Variants in ACSM3 observed in about 807,000 individuals in gnomAD.
ACSM3 encodes acyl-CoA synthetase medium chain family member 3.
Under a neutral mutation model 74.1 loss-of-function variants are expected in ACSM3, and 61 were observed. The ratio of observed to expected loss-of-function variants is 0.82; its 90% confidence interval spans 0.67 to 1.02. The LOEUF is 1.02. Ranked by LOEUF, ACSM3 falls within the 50% of genes least tolerant of loss-of-function variation. The pLI, the probability that ACSM3 is intolerant of heterozygous loss-of-function variation, is 0.00. For synonymous variants in ACSM3, 213 were observed against 241.5 expected, an observed-to-expected ratio of 0.88 and a Z score of 1.09; for missense variants, 660 against 697.0, an observed-to-expected ratio of 0.95 and a Z score of 0.60.
chr16:20,789,657 T>C, intron 9 of ACSM3: 2 of 797,510 alleles, frequency 2.5e-6, no homozygotes, highest in South Asian at 1.5e-5. Context: ...TTGGCAAAAC[T>C]GTATATTATA....
At chr16:20,739,381 G>A (rs892456733) in intron 1 of ACSM3, among the ~76,000 whole-genome samples, 4 of 151,960 alleles carry the variant, frequency 2.6e-5, no homozygotes, top group South Asian at 2.1e-4. Context: ...TCGCCATGTT[G>A]GTCAGGCTGG....
intron 1 of ACSM3, among the ~76,000 whole-genome samples, chr16:20,691,841 C>T (rs1453414282): frequency 6.6e-6 from 1 of 151,042 alleles, no homozygotes; most frequent in African/African-American, 2.4e-5. Flanking sequence ...GGCTGTCTCC[C>T]TCTGGTGGAA....
intron 1 of ACSM3, among the ~76,000 whole-genome samples, chr16:20,702,323 C>T (rs537793129): frequency 1.3e-4 from 20 of 152,308 alleles, no homozygotes; most frequent in East Asian, 3.9e-4. Context: ...AGCCATTCTC[C>T]GGCCTCAGCC....
In ACSM3 at chr16:20,709,237, C is replaced by T. The variant is rs186369788; in HGVS notation, c.-190+34415C>T. Among the ~76,000 whole-genome samples the T allele has an allele frequency of 4.1e-3, 619 of 151,760 alleles. 4 individuals carry two copies. The highest frequency in any genetic ancestry group is 5.7e-3 in the Non-Finnish European group (388 of 67,944). On this transcript the variant is annotated intron_variant, in intron 1 of 3. Transcript: ENST00000561584. ...ACTGCACTCCAGCCTGGGCACAGAG[C>T]GAGACACTATCTCAGAAAAAAAGAA...
chr16:20,793,425 T>C (rs966565026), intron 12 of ACSM3, among the ~76,000 whole-genome samples: 3 of 152,170 alleles, frequency 2.0e-5, no homozygotes, highest in Non-Finnish European at 4.4e-5. Flanking sequence ...GCCAAGATCG[T>C]GCCACTGTGC....
intron 1 of ACSM3, chr16:20,737,004 G>A: frequency 6.2e-7 from 1 of 1,614,122 alleles, no homozygotes; most frequent in East Asian, 2.2e-5. Context: ...CAGCTCCTCA[G>A]TATTCTCTGG....
In ACSM3 at chr16:20,781,716, C is replaced by T; in HGVS notation, c.948C>T (p.Ser316=). The T allele has an allele frequency of 6.2e-7, 1 of 1,612,352 alleles. No individual in the cohort carries two copies. The highest frequency in any genetic ancestry group is 8.5e-7 in the Non-Finnish European group (1 of 1,178,428). The part of the protein sequence containing the change: ...FEPTSILQTL[S]KYPITVFCSA... ...CTTTTTCTAAATTGCAGACACTCTC[C>T]AAGTACCCCATCACAGTCTTCTGTT... Residue 316 remains serine (S), a synonymous_variant, in exon 7 of 14, where the codon TCC becomes TCT. Coordinates refer to ENST00000289416, the MANE Select transcript of ACSM3 (RefSeq NM_005622.4).
chr16:20,780,321 TAA>T (rs2080325548), intron 4 of ACSM3: 1 of 326,108 alleles, frequency 3.1e-6, no homozygotes, highest in Admixed American at 4.6e-5. Flanking sequence ...TACTCATTTT[TAA>T]AAAATCACAT....
At chr16:20,691,432 G>T (rs1293384934) in intron 1 of ACSM3, among the ~76,000 whole-genome samples, 5 of 152,126 alleles carry the variant, frequency 3.3e-5, no homozygotes, top group East Asian at 1.9e-4. Flanking sequence ...CGCTGGGGAG[G>T]TTATATAGCT....
At chr16:20,762,050 C>T (rs200586277), upstream of ACSM3, among the ~76,000 whole-genome samples, 6 of 152,298 alleles carry the variant, frequency 3.9e-5, no homozygotes, top group East Asian at 1.2e-3. Context: ...TCAAACAGGG[C>T]ACCTGGATCT....
intron 1 of ACSM3, among the ~76,000 whole-genome samples, chr16:20,717,128 C>T (rs970937416): frequency 6.6e-6 from 1 of 152,156 alleles, no homozygotes; most frequent in Non-Finnish European, 1.5e-5. Context: ...CCCAACATAG[C>T]TATGGTAGCT....
chr16:20,688,517 T>A (rs1191148776), intron 1 of ACSM3, among the ~76,000 whole-genome samples: 1 of 152,098 alleles, frequency 6.6e-6, no homozygotes, highest in Non-Finnish European at 1.5e-5. Context: ...ATAATTAAAC[T>A]GAAATCAGCA....
At chr16:20,732,235 GT>G (rs1214533044) in intron 1 of ACSM3, among the ~76,000 whole-genome samples, 1 of 152,112 alleles carries the variant, frequency 6.6e-6, no homozygotes, top group African/African-American at 2.4e-5. Context: ...TGGCCCTGTA[GT>G]TTCCTTCTAA....
chr16:20,718,380 A>G, intron 1 of ACSM3: 1 of 958,442 alleles, frequency 1.0e-6, no homozygotes, highest in Non-Finnish European at 1.4e-6. Flanking sequence ...GCTGTGTGGA[A>G]ACAGGAAGTC....
chr16:20,736,289 G>A (rs1344833061), intron 1 of ACSM3: 2 of 149,990 alleles, frequency 1.3e-5, no homozygotes, highest in Non-Finnish European at 2.9e-5. Flanking sequence ...AATGTCTGTA[G>A]TTCTATGCCT....
At chr16:20,710,365 T>C (rs1209397331) in intron 1 of ACSM3, among the ~76,000 whole-genome samples, 1 of 152,194 alleles carries the variant, frequency 6.6e-6, no homozygotes, top group Non-Finnish European at 1.5e-5. Flanking sequence ...ATATTTAGAA[T>C]ACACATCTTC....
At position 20,797,137 on chromosome 16, in the gene ACSM3, A is replaced by T; in HGVS notation, c.*165A>T. 2 of 1,364,334 alleles carry T rather than the reference A, an allele frequency of 1.5e-6. No individual in the cohort carries two copies. The highest frequency in any genetic ancestry group is 1.9e-6 in the Non-Finnish European group (2 of 1,060,946). The allele number at this position is 1,364,334 out of a possible 1,614,324, so 84.5% of individuals were successfully genotyped here. On this transcript the variant is annotated 3_prime_UTR_variant, in exon 14 of 14. Coordinates refer to ENST00000289416, the MANE Select transcript of ACSM3 (RefSeq NM_005622.4). The stretch of plus-strand genomic sequence containing the variant: ...TATCAGAGGCTAAATTTTGAAATAA[A>T]ATATTTGGCAAATTCCTCCACATTA...
intron 9 of ACSM3, among the ~76,000 whole-genome samples, chr16:20,787,601 C>T (rs925507529): frequency 3.3e-5 from 5 of 152,186 alleles, no homozygotes; most frequent in Admixed American, 3.3e-4. Context: ...TTTTTAGGAT[C>T]AAATAAGTTT....
At chr16:20,779,580 T>C (rs1007647626) in intron 4 of ACSM3, among the ~76,000 whole-genome samples, 6 of 152,170 alleles carry the variant, frequency 3.9e-5, no homozygotes, top group African/African-American at 1.4e-4. Flanking sequence ...TGTGTGCAGC[T>C]GCCCTAATGT....
Sources: gnomAD v4.1 joint callset for allele counts (sites outside exome capture counted in the v4.1 genomes callset) on GRCh38, gnomAD v4.1.1 for gene constraint, MANE v1.5 for transcripts, NCBI Gene and HGNC (gene_info 2026-07-23, HGNC 2026-07-21) for gene names.